OPTC: variants seen among roughly 807,000 people sequenced by gnomAD.
OPTC encodes oculoglycan.
Under a neutral mutation model 25.4 loss-of-function variants are expected in OPTC, and 22 were observed. That is an observed-to-expected ratio of 0.87 (90% CI 0.62 to 1.24). The LOEUF is 1.24. Among genes scored for constraint, OPTC ranks in the 50% most tolerant of loss-of-function variants. The probability of loss-of-function intolerance (pLI) is 0.00; values close to 1 mark genes in which losing one functional copy is unlikely to be tolerated. For synonymous variants in OPTC, 169 were observed against 179.3 expected (o/e 0.94, Z 0.46); for missense variants, 417 against 425.2 (o/e 0.98, Z 0.17).
Position 203,496,055 on chromosome 1 carries a change from C to T in OPTC, c.50C>T (p.Thr17Ile). 6.2e-7 allele frequency: 1 copy of T among 1,613,978 alleles called. No individual in the cohort carries two copies. The highest frequency in any genetic ancestry group is 8.5e-7 in the Non-Finnish European group (1 of 1,179,950). Reference protein sequence around the residue: ...LSLLALVLQETGTASLPRKER... With the variant: ...LSLLALVLQEIGTASLPRKER... ...CTGCTGGCCTTGGTGCTGCAGGAGA[C>T]AGGGACAGCTTCTCTCCCAAGGAAG... Residue 17 changes from threonine (T) to isoleucine (I), a missense_variant, in exon 2 of 8, where the codon ACA becomes ATA. Physicochemically the swap from Thr to Ile is moderately conservative, Grantham distance 89. Transcript: ENST00000367222.
rs56219555 is a variant in OPTC, at chr1:203,503,694, C to T, written c.973C>T (p.Arg325Trp). ...LFPSAYFCLP[R>W]LPIGRFT ...CCCCAGCGCCTACTTCTGCCTGCCT[C>T]GGCTCCCCATCGGCCGCTTCACGTA... The change falls in exon 7 of 8, where the codon CGG becomes TGG. Residue 325 changes from arginine to tryptophan, a missense_variant. Coordinates refer to ENST00000367222, the MANE Select transcript of OPTC (RefSeq NM_014359.4). The T allele has an allele frequency of 6.5e-3, 10,402 of 1,610,304 alleles. 45 individuals are homozygous for T. The highest frequency in any genetic ancestry group is 7.2e-3 in the Non-Finnish European group (8,550 of 1,180,014).
Position 203,498,709 on chromosome 1 carries a change from C to T in OPTC, c.399C>T (p.Cys133=), listed in dbSNP as rs765322597. 1.9e-6 allele frequency: 3 copies of T among 1,614,210 alleles called. No homozygotes were observed. The highest frequency in any genetic ancestry group is 1.7e-5 in the Admixed American group (1 of 60,026). The change falls in exon 4 of 8, where the codon TGC becomes TGT. Residue 133 remains cysteine, a synonymous_variant. Transcript: ENST00000367222. The part of the protein sequence containing the change: ...HGLPTCLVCV[C]LGSSVYCDDI... Reference sequence around the variant, plus strand: ...TGCCCACCTGCCTGGTCTGCGTGTGCCTCGGTTCCTCTGTGTATTGCGATG... The same window carrying T: ...TGCCCACCTGCCTGGTCTGCGTGTGTCTCGGTTCCTCTGTGTATTGCGATG...
intron 2 of OPTC, 83 bp downstream of exon 2, chr1:203,496,319 C>T (rs928021657): frequency 1.0e-5 from 10 of 955,538 alleles, no homozygotes; most frequent in Middle Eastern, 2.3e-4. Flanking sequence ...CCCCAAAGTG[C>T]GGGTGTCTCC....
chr1:203,496,903 G>A, intron 2 of OPTC, 74 bp from the exon 3 acceptor site: 1 of 1,503,260 alleles, frequency 6.7e-7, no homozygotes, highest in South Asian at 1.1e-5. Flanking sequence ...CCATCACTGA[G>A]GTTCCCAGAG....
intron 4 of OPTC, 101 bp from the exon 5 acceptor site, chr1:203,499,548 T>A: frequency 1.0e-6 from 1 of 963,046 alleles, no homozygotes; most frequent in Non-Finnish European, 1.7e-6. Context: ...AATCCCCTCA[T>A]CTTGAGAGGG....
At chr1:203,501,315 G>A (rs1190839821) in intron 5 of OPTC, among the ~76,000 whole-genome samples, 1 of 152,152 alleles carries the variant, frequency 6.6e-6, no homozygotes, top group African/African-American at 2.4e-5. Context: ...TGGCCAGGCT[G>A]GTCTCGAACT....
intron 1 of OPTC, 53 bp from the exon 2 acceptor site, chr1:203,495,912 C>T: frequency 1.2e-6 from 1 of 836,114 alleles, no homozygotes; most frequent in South Asian, 1.4e-5. Context: ...TCCCACAACA[C>T]TCTGGAGAGC....
At chr1:203,505,921 T>C (rs1661473709) in intron 7 of OPTC, among the ~76,000 whole-genome samples, 1 of 150,490 alleles carries the variant, frequency 6.6e-6, no homozygotes, top group Non-Finnish European at 1.5e-5. Flanking sequence ...GCGGAATCTC[T>C]CTCTCTGTGT....
chr1:203,496,894 C>T lies in OPTC; in HGVS notation c.232-83C>T. 7.6e-6 allele frequency: 11 copies of T among 1,439,756 alleles called. No individual in the cohort carries two copies. The South Asian group carries it at 1.1e-4, about 15-fold the overall frequency. 89.2% of individuals were successfully genotyped at this position (1,439,756 alleles called of 1,614,324 possible). A position where few individuals can be genotyped will look rare whatever the true frequency, so the allele number is the denominator to read the frequency against. ...AGTGACTCTTTGCTGGTTTGAAATC[C>T]ATCACTGAGGTTCCCAGAGTCCAAA... On this transcript the variant is annotated intron_variant, in intron 2 of 7. Transcript: ENST00000367222.
rs755273203 is a variant in OPTC, at chr1:203,499,850, G to GAT, written c.731_732insAT (p.Ala245TrpfsTer25). On this transcript the variant is annotated frameshift_variant and splice_region_variant, in exon 5 of 8. Transcript: ENST00000367222. LOFTEE classifies it high-confidence loss of function. Reference sequence around the variant, plus strand: ...TCGGGGATACAGCCTGCAGCCTTCAGGGTGAGTCAAGGCCTTAGATCCACT... The same window carrying GAT: ...TCGGGGATACAGCCTGCAGCCTTCAGATGGTGAGTCAAGGCCTTAGATCCACT... The GAT allele has an allele frequency of 2.5e-6, 4 of 1,610,534 alleles. No homozygotes were observed. In the African/African-American group the frequency reaches 5.4e-5, roughly 22 times the overall value.
intron 4 of OPTC, 56 bp downstream of exon 4, chr1:203,498,895 C>A (rs1009708466): frequency 1.3e-6 from 2 of 1,591,780 alleles, no homozygotes; most frequent in African/African-American, 1.3e-5. Flanking sequence ...GCCACCCTGC[C>A]ACTAGGACAG....
In OPTC at chr1:203,508,726, T is replaced by C. The variant is rs1274710724; in HGVS notation, c.*106T>C. 2.6e-5 allele frequency: 4 copies of C among 152,206 alleles called. No homozygotes were observed. Among genetic ancestry groups the C allele is most frequent in the African/African-American group, 9.7e-5 (4 of 41,420 alleles). The allele number at this position is 152,206 out of a possible 1,614,324, so 9.4% of individuals were successfully genotyped here. On this transcript the variant is annotated 3_prime_UTR_variant, in exon 8 of 8. Transcript: ENST00000367222. The stretch of plus-strand genomic sequence containing the variant: ...CTCCCTCCTGTGGCCGCCGGCAGCA[T>C]GGACAAAGGTCTCCATGCAGGGGGA...
chr1:203,496,143 G>A lies in OPTC; in HGVS notation c.138G>A (p.Leu46=). ...REGDSFEVLP[L]RNDVLNPDNY... ...GCGATTCCTTTGAAGTTCTGCCTCT[G>A]CGGAATGATGTCCTGAACCCAGACA... Residue 46 remains leucine (L), a synonymous_variant, in exon 2 of 8, where the codon CTG becomes CTA. Coordinates refer to ENST00000367222, the MANE Select transcript of OPTC (RefSeq NM_014359.4). 1 of 1,614,156 alleles carries A rather than the reference G, an allele frequency of 6.2e-7. No individual in the cohort carries two copies. The highest frequency in any genetic ancestry group is 1.1e-5 in the South Asian group (1 of 91,084).
chr1:203,502,945 C>CA lies in OPTC; in HGVS notation c.765dup (p.Asp256ArgfsTer23), dbSNP rs1558239322. 2 of 1,614,004 alleles carry CA rather than the reference C, an allele frequency of 1.2e-6. No individual in the cohort carries two copies. The highest frequency in any genetic ancestry group is 1.6e-4 in the Middle Eastern group (1 of 6,062). The stretch of plus-strand genomic sequence containing the variant: ...GAGAAGCTGCAGTTCCTTTACCTGT[C>CA]AGACAACCTGCTGGATTCTATCCCG... On this transcript the variant is annotated frameshift_variant, in exon 6 of 8. Transcript: ENST00000367222. LOFTEE classifies it high-confidence loss of function.
rs763482892 is a variant in OPTC, at chr1:203,495,968, C to G, written c.-38C>G. 3 of 1,473,566 alleles carry G rather than the reference C, an allele frequency of 2.0e-6. No homozygotes were observed. Among genetic ancestry groups the G allele is most frequent in the African/African-American group, 1.4e-5 (1 of 71,940 alleles). 91.3% of individuals were successfully genotyped at this position (1,473,566 alleles called of 1,614,324 possible). A position where few individuals can be genotyped will look rare whatever the true frequency, so the allele number is the denominator to read the frequency against. On this transcript the variant is annotated 5_prime_UTR_variant, in exon 2 of 8. Coordinates refer to ENST00000367222, the MANE Select transcript of OPTC (RefSeq NM_014359.4). ...CTTCCTCGTGCCCACTTGCCAGGACCAGCCGCTGAAGGGATTCTCAGTCCC... is the reference window on the plus strand; with the variant it reads ...CTTCCTCGTGCCCACTTGCCAGGACGAGCCGCTGAAGGGATTCTCAGTCCC...
At chr1:203,499,191 G>C (rs74137687) in intron 4 of OPTC, among the ~76,000 whole-genome samples, 30,485 of 151,980 alleles carry the variant, frequency 0.2, 4,432 homozygotes, top group African/African-American at 0.39. Context: ...CACTGATGCT[G>C]TTTACAGGGT....
intron 7 of OPTC, among the ~76,000 whole-genome samples, chr1:203,505,948 C>CTCTGTGTG (rs560311633): frequency 2.1e-5 from 3 of 140,708 alleles, no homozygotes; most frequent in African/African-American, 5.2e-5. Flanking sequence ...CTCTCTCTCT[C>CTCTGTGTG]AGAGTGTGTG....
chr1:203,494,830 G>A (rs185077016), intron 1 of OPTC, among the ~76,000 whole-genome samples: 155 of 152,110 alleles, frequency 1.0e-3, no homozygotes, highest in Non-Finnish European at 1.1e-3. Flanking sequence ...TTCCTGACCC[G>A]TCTATACATA....
At chr1:203,497,679 C>G (rs967661785) in intron 3 of OPTC, among the ~76,000 whole-genome samples, 1 of 152,132 alleles carries the variant, frequency 6.6e-6, no homozygotes, top group Non-Finnish European at 1.5e-5. Context: ...CATTCTGGAC[C>G]TGCTTGCCCG....
Sources: allele counts gnomAD v4.1 joint callset (sites outside exome capture counted in the v4.1 genomes callset), GRCh38; gene constraint gnomAD v4.1.1; transcripts MANE v1.5; gene names NCBI Gene and HGNC (gene_info 2026-07-23, HGNC 2026-07-21).